KCNIP4: variants seen among roughly 807,000 people sequenced by gnomAD.
KCNIP4 encodes the protein potassium voltage-gated channel interacting protein 4, also known as Kv channel-interacting protein 4.
A neutral mutation model predicts 34.0 loss-of-function variants in KCNIP4; 12 were observed. The ratio of observed to expected loss-of-function variants is 0.35; its 90% CI spans 0.23 to 0.57. The LOEUF is 0.57. Among genes scored for constraint, KCNIP4 ranks in the 20% least tolerant of loss-of-function variants. KCNIP4 has a pLI of 0.83. For missense variants in KCNIP4, 238 were observed against 311.7 expected, an observed-to-expected ratio of 0.76 and a Z score of 1.78; for synonymous variants, 124 against 102.2, an observed-to-expected ratio of 1.21 and a Z score of -1.29.
intron 1 of KCNIP4, among the ~76,000 whole-genome samples, chr4:21,911,677 ACCTGCTAGACC>A (rs1365319212): frequency 6.7e-6 from 1 of 149,818 alleles, no homozygotes. Context: ...TTGGTGATGT[ACCTGCTAGACC>A]CCTGCCCAGT....
At chr4:20,750,969 A>C (rs1578520862) in intron 4 of KCNIP4, among the ~76,000 whole-genome samples, 1 of 152,322 alleles carries the variant, frequency 6.6e-6, no homozygotes, top group Middle Eastern at 3.4e-3. Flanking sequence ...TCATAGTAAC[A>C]GGAGTACAGA....
chr4:20,771,836 AT>A (rs529047226), intron 3 of KCNIP4, among the ~76,000 whole-genome samples: 1 of 151,906 alleles, frequency 6.6e-6, no homozygotes, highest in Admixed American at 6.6e-5. Flanking sequence ...AGCTCAGCTA[AT>A]TTTTTTGTAT....
intron 1 of KCNIP4, among the ~76,000 whole-genome samples, chr4:21,490,042 GCT>G (rs1198645417): frequency 2.6e-5 from 4 of 152,018 alleles, no homozygotes; most frequent in South Asian, 4.1e-4. Context: ...TGTGGAAAGC[GCT>G]CTTTTTATTT....
intron 1 of KCNIP4, among the ~76,000 whole-genome samples, chr4:21,740,297 A>AC (rs1355704933): frequency 1.3e-5 from 2 of 152,118 alleles, no homozygotes; most frequent in African/African-American, 4.8e-5. Flanking sequence ...TAGAAGAAAC[A>AC]CTTGAAGTCC....
At chr4:20,891,872 ACTT>A (rs2149537438) in intron 1 of KCNIP4, among the ~76,000 whole-genome samples, 1 of 152,314 alleles carries the variant, frequency 6.6e-6, no homozygotes, top group East Asian at 1.9e-4. Context: ...TTTAAAGTGG[ACTT>A]ACAGTTCATA....
chr4:20,776,896 G>A (rs1466938678), intron 3 of KCNIP4, among the ~76,000 whole-genome samples: 2 of 152,090 alleles, frequency 1.3e-5, no homozygotes, highest in Admixed American at 6.6e-5. Context: ...ATGAATAGAT[G>A]AAGGCATGAT....
Position 21,661,803 on chromosome 4 carries a change from G to A in KCNIP4, c.61+286768C>T, listed in dbSNP as rs556652996. On this transcript the variant is annotated intron_variant, in intron 1 of 8. Transcript: ENST00000382152. The stretch of plus-strand genomic sequence containing the variant: ...TAACTGGCATCTCTGAAATGCTGAG[G>A]GGCAAAAAATGAAAGAAAAGATAAA... 2.0e-4 allele frequency among the ~76,000 whole-genome samples: 31 copies of A among 151,842 alleles called. No individual in the cohort carries two copies. The East Asian group carries it at 5.6e-3, about 27-fold the overall frequency.
chr4:21,097,435 G>T (rs1343172426), intron 1 of KCNIP4, among the ~76,000 whole-genome samples: 2 of 151,834 alleles, frequency 1.3e-5, no homozygotes, highest in Non-Finnish European at 2.9e-5. Flanking sequence ...AAAGATTTTT[G>T]GCAACCCTGC....
At chr4:21,482,499 C>T (rs1370111796) in intron 1 of KCNIP4, among the ~76,000 whole-genome samples, 2 of 152,142 alleles carry the variant, frequency 1.3e-5, no homozygotes, top group South Asian at 4.1e-4. Flanking sequence ...TCTTGTAGGG[C>T]AGGCCTGGTG....
intron 1 of KCNIP4, among the ~76,000 whole-genome samples, chr4:21,551,745 T>G (rs1406183669): frequency 2.0e-5 from 3 of 152,064 alleles, no homozygotes; most frequent in Non-Finnish European, 4.4e-5. Flanking sequence ...CTTTAGACCT[T>G]AGTTCCTTTT....
chr4:21,452,804 A>T (rs1399087492), intron 1 of KCNIP4, among the ~76,000 whole-genome samples: 1 of 151,014 alleles, frequency 6.6e-6, no homozygotes, highest in Non-Finnish European at 1.5e-5. Context: ...AAAAACAGAA[A>T]AAAAGAAGTC....
At chr4:20,900,152 T>C (rs1266685853) in intron 1 of KCNIP4, among the ~76,000 whole-genome samples, 1 of 152,218 alleles carries the variant, frequency 6.6e-6, no homozygotes, top group Admixed American at 6.5e-5. Context: ...ATCTATCAGA[T>C]TCTCCAGCTC....
At chr4:21,128,173 C>A (rs574597461) in intron 1 of KCNIP4, among the ~76,000 whole-genome samples, 4 of 152,086 alleles carry the variant, frequency 2.6e-5, no homozygotes, top group Non-Finnish European at 5.9e-5. Flanking sequence ...ACCAGAACAG[C>A]TTGAAAACAC....
chr4:20,796,743 C>T (rs1713521660), intron 3 of KCNIP4, among the ~76,000 whole-genome samples: 1 of 151,642 alleles, frequency 6.6e-6, no homozygotes, highest in Non-Finnish European at 1.5e-5. Flanking sequence ...AAATAAAAAT[C>T]ATTTGAAATG....
chr4:21,500,978 A>C (rs1733275740), intron 1 of KCNIP4, among the ~76,000 whole-genome samples: 1 of 150,956 alleles, frequency 6.6e-6, no homozygotes, highest in South Asian at 2.1e-4. Context: ...GATCAGTGTC[A>C]AAATAAAAGG....
intron 1 of KCNIP4, among the ~76,000 whole-genome samples, chr4:21,349,481 T>C (rs889855201): frequency 6.6e-6 from 1 of 152,176 alleles, no homozygotes; most frequent in Non-Finnish European, 1.5e-5. Context: ...GTATAGTGCA[T>C]GCAATGTGTC....
chr4:21,048,474 T>C lies in KCNIP4; in HGVS notation c.62-165765A>G, dbSNP rs569139778. On this transcript the variant is annotated intron_variant, in intron 1 of 8. Transcript: ENST00000382152. The stretch of plus-strand genomic sequence containing the variant: ...GAGCATATGTACATTTGTTACGCAC[T>C]ATCTCTGTCACATTACCTCACAGAA... Among the ~76,000 whole-genome samples, 6 of 152,340 alleles carry C rather than the reference T, an allele frequency of 3.9e-5. No homozygotes were observed. In the South Asian group the frequency reaches 1.2e-3, roughly 32 times the overall value.
intron 2 of KCNIP4, among the ~76,000 whole-genome samples, chr4:20,874,000 T>C (rs1008192197): frequency 3.0e-4 from 46 of 152,324 alleles, no homozygotes; most frequent in African/African-American, 9.6e-4. Context: ...CTAGGTGAGA[T>C]TGAATTTCAC....
chr4:21,591,670 A>C (rs575399467), intron 1 of KCNIP4, among the ~76,000 whole-genome samples: 1 of 152,168 alleles, frequency 6.6e-6, no homozygotes, highest in African/African-American at 2.4e-5. Flanking sequence ...TCTGGAGTTA[A>C]ATAAAATTTT....
Sources: gnomAD v4.1 joint callset for allele counts (sites outside exome capture counted in the v4.1 genomes callset) on GRCh38, gnomAD v4.1.1 for gene constraint, MANE v1.5 for transcripts, NCBI Gene and HGNC (gene_info 2026-07-23, HGNC 2026-07-21) for gene names.